The following GRK2 variants were observed in gnomAD, a reference collection of about 807,000 sequenced individuals.
GRK2 encodes the protein adrenergic beta receptor kinase 1.
Under a neutral mutation model 97.8 loss-of-function variants are expected in GRK2, and 23 were observed. That is an observed-to-expected ratio of 0.24 (90% CI 0.17 to 0.33). GRK2 has a LOEUF of 0.33. Among genes scored for constraint, GRK2 ranks in the 10% least tolerant of loss-of-function variants. The pLI is 1.00. For synonymous variants in GRK2, 425 were observed against 381.7 expected (o/e 1.11, Z -1.32); for missense variants, 633 against 956.9 (o/e 0.66, Z 4.47).
In GRK2 at chr11:67,284,995, G is replaced by A. The variant is rs10896164; in HGVS notation, c.1791+12G>A. 0.9 allele frequency: 1,449,110 copies of A among 1,612,232 alleles called. 667,488 individuals are homozygous for A. The highest frequency in any genetic ancestry group is 0.95 in the Non-Finnish European group (1,118,238 of 1,179,758). On this transcript the variant is annotated intron_variant, in intron 19 of 20. Transcript: ENST00000308595. ...AGGGCGAGGCCCCGGTAAGGAGCCC[G>A]TGCGGGGGTCCGGGAGCCGGGCTTC...
intron 1 of GRK2, among the ~76,000 whole-genome samples, chr11:67,274,528 T>TTG (rs1859986123): frequency 7.0e-6 from 1 of 142,342 alleles, no homozygotes; most frequent in Admixed American, 7.1e-5. Context: ...TTTTTGCTTT[T>TTG]TTTCATCCCC....
chr11:67,270,338 C>T (rs1486170771), intron 1 of GRK2, among the ~76,000 whole-genome samples: 1 of 152,176 alleles, frequency 6.6e-6, no homozygotes, highest in Non-Finnish European at 1.5e-5. Context: ...AGCAGATTGT[C>T]GGAGCTGGGT....
intron 1 of GRK2, among the ~76,000 whole-genome samples, chr11:67,274,054 C>G (rs1455960099): frequency 1.3e-5 from 2 of 149,976 alleles, no homozygotes; most frequent in Non-Finnish European, 3.0e-5. Flanking sequence ...ACTCTGTCAC[C>G]CAGGCTGGAG....
intron 1 of GRK2, among the ~76,000 whole-genome samples, chr11:67,274,027 T>G (rs1859968276): frequency 6.6e-6 from 1 of 150,550 alleles, no homozygotes; most frequent in Non-Finnish European, 1.5e-5. Context: ...TTTTTTTTTT[T>G]TTTGAGACAG....
At position 67,281,896 on chromosome 11, in the gene GRK2, A is replaced by G; in HGVS notation, c.901A>G (p.Ile301Val). The stretch of plus-strand genomic sequence containing the variant: ...TGACATGCGCTTCTATGCGGCCGAG[A>G]TCATCCTGGGCCTGGAGCACATGCA... Reference protein sequence around the residue: ...EADMRFYAAEIILGLEHMHNR... With the variant: ...EADMRFYAAEVILGLEHMHNR... Residue 301 changes from isoleucine to valine, a missense_variant, in exon 11 of 21, where the codon ATC becomes GTC. Ile to Val is a conservative substitution (Grantham distance 29). Around this residue, in one of 4 missense-constraint regions of GRK2, gnomAD observed 192 missense variants for 362.3 expected, o/e 0.53. Coordinates refer to ENST00000308595, the MANE Select transcript of GRK2 (RefSeq NM_001619.5). The surrounding 1 kb of genome is among the most constrained non-coding windows in gnomAD (Gnocchi z 5.7). 6.2e-7 allele frequency: 1 copy of G among 1,613,418 alleles called. No homozygotes were observed. Among genetic ancestry groups the G allele is most frequent in the African/African-American group, 1.3e-5 (1 of 74,948 alleles).
At position 67,266,668 on chromosome 11, in the gene GRK2, C is replaced by CGGCGGCGGGA. The variant is rs1169444790; in HGVS notation, c.-29_-20dup. 2 of 1,040,332 alleles carry CGGCGGCGGGA rather than the reference C, an allele frequency of 1.9e-6. No individual in the cohort carries two copies. Among genetic ancestry groups the CGGCGGCGGGA allele is most frequent in the East Asian group, 1.2e-4 (2 of 17,304 alleles). The allele number at this position is 1,040,332 out of a possible 1,614,324, so 64.4% of individuals were successfully genotyped here. On this transcript the variant is annotated 5_prime_UTR_variant, in exon 1 of 21. Transcript: ENST00000308595. Reference sequence around the variant, plus strand: ...CGAGCAGGAGCGGCGGCGGCGGCGGCGGCGGCGGGAGGAGGCAGCGCCGCC... The same window carrying CGGCGGCGGGA: ...CGAGCAGGAGCGGCGGCGGCGGCGGCGGCGGCGGGAGGCGGCGGGAGGAGGCAGCGCCGCC...
At chr11:67,275,391 C>CG (rs1860008642) in intron 1 of GRK2, among the ~76,000 whole-genome samples, 1 of 152,230 alleles carries the variant, frequency 6.6e-6, no homozygotes, top group African/African-American at 2.4e-5. Context: ...TCCAGACCCT[C>CG]GGGCCCAAAG....
At chr11:67,274,524 C>CTTTTTTTTTTTTTTTTTTTTTTTTTTTT (rs1590848179) in intron 1 of GRK2, among the ~76,000 whole-genome samples, 455 of 55,006 alleles carry the variant, frequency 8.3e-3, no homozygotes, top group Non-Finnish European at 0.01. Flanking sequence ...TTTTTTTTTG[C>CTTTTTTTTTTTTTTTTTTTTTTTTTTTT]TTTTTTTCAT....
chr11:67,268,610 C>T (rs1590844314), intron 1 of GRK2, among the ~76,000 whole-genome samples: 2 of 152,156 alleles, frequency 1.3e-5, no homozygotes, highest in Non-Finnish European at 2.9e-5. Flanking sequence ...GAACTGTCTG[C>T]GTTCGGGTAA....
intron 1 of GRK2, among the ~76,000 whole-genome samples, chr11:67,274,298 A>T (rs1859975982): frequency 6.6e-6 from 1 of 151,778 alleles, no homozygotes; most frequent in African/African-American, 2.4e-5. Flanking sequence ...GGCGTGAGCC[A>T]CCGCGTCCCG....
rs1277928742 is a variant in GRK2, at chr11:67,281,643, C to T, written c.748-7C>T. ...TGCCCGCCCCCTCCCCTCCTCTCCC[C>T]TCCTAGGACTGCCCATTCATTGTCT... On this transcript the variant is annotated splice_polypyrimidine_tract_variant and splice_region_variant and intron_variant, in intron 9 of 20. Transcript: ENST00000308595. The surrounding 1 kb of genome is among the most constrained non-coding windows in gnomAD (Gnocchi z 5.7). 6 of 1,611,990 alleles carry T rather than the reference C, an allele frequency of 3.7e-6. No individual in the cohort carries two copies. The highest frequency in any genetic ancestry group is 5.1e-6 in the Non-Finnish European group (6 of 1,178,814).
chr11:67,270,530 G>T lies in GRK2; in HGVS notation c.113+3718G>T, dbSNP rs77710504. Among the ~76,000 whole-genome samples, 66 of 152,314 alleles carry T rather than the reference G, an allele frequency of 4.3e-4. No homozygotes were observed. In the East Asian group the frequency reaches 0.012, roughly 28 times the overall value. On this transcript the variant is annotated intron_variant, in intron 1 of 20. Coordinates refer to ENST00000308595, the MANE Select transcript of GRK2 (RefSeq NM_001619.5). ...CTGCCCTCGATTTGTGGGGGAAGGG[G>T]TGCAGCGGGAAGCTCTCTCCCTCCC...
At chr11:67,267,311 C>T (rs1383047160) in intron 1 of GRK2, among the ~76,000 whole-genome samples, 1 of 152,224 alleles carries the variant, frequency 6.6e-6, no homozygotes, top group Non-Finnish European at 1.5e-5. Context: ...GTTTCCACTA[C>T]CCCCACCCGT....
chr11:67,274,209 C>T (rs888113364), intron 1 of GRK2, among the ~76,000 whole-genome samples: 11 of 152,064 alleles, frequency 7.2e-5, no homozygotes, highest in Non-Finnish European at 1.2e-4. Context: ...GACGGGGTTT[C>T]ACCATGTTGG....
chr11:67,280,817 G>C (rs571926031), intron 7 of GRK2, 34 bp downstream of exon 7: 1 of 1,609,772 alleles, frequency 6.2e-7, no homozygotes, highest in East Asian at 2.2e-5. Context: ...GGAAAGCCAC[G>C]CACCCTGCTG....
rs1310622815 is a variant in GRK2 at position 67,281,930 on chromosome 11, T to C, written c.935T>C (p.Phe312Ser). ...ILGLEHMHNRFVVYRDLKPAN... is the reference protein window; with the variant it reads ...ILGLEHMHNRSVVYRDLKPAN... ...GGCCTGGAGCACATGCACAACCGCT[T>C]CGTGGTCTACCGGGACCTGAAGGTG... is the stretch of plus-strand genomic sequence containing the variant. Residue 312 changes from phenylalanine (F) to serine (S), a missense_variant, in exon 11 of 21, where the codon TTC becomes TCC. This residue lies in a region of GRK2 where 192 missense variants were observed against 362.3 expected (regional missense o/e 0.53). Transcript: ENST00000308595. The surrounding 1 kb of genome is among the most constrained non-coding windows in gnomAD (Gnocchi z 5.7). 1 of 1,613,130 alleles carries C rather than the reference T, an allele frequency of 6.2e-7. No individual in the cohort carries two copies. The highest frequency in any genetic ancestry group is 1.7e-5 in the Admixed American group (1 of 60,014).
At chr11:67,268,483 G>A (rs558047736) in intron 1 of GRK2, among the ~76,000 whole-genome samples, 20 of 152,196 alleles carry the variant, frequency 1.3e-4, no homozygotes, top group African/African-American at 3.9e-4. Flanking sequence ...ACAAACCCAC[G>A]AGGGAGGAAA....
At chr11:67,279,810 A>G (rs1036869787) in intron 5 of GRK2, 29 bp from the exon 6 acceptor site, 6 of 1,613,734 alleles carry the variant, frequency 3.7e-6, no homozygotes, top group Non-Finnish European at 5.1e-6. Flanking sequence ...CTCGGGGCTC[A>G]GTCACCAACT....
intron 1 of GRK2, among the ~76,000 whole-genome samples, chr11:67,267,149 C>T (rs1265010828): frequency 6.6e-6 from 1 of 152,210 alleles, no homozygotes; most frequent in Admixed American, 6.5e-5. Context: ...TGGCTCCCGC[C>T]TTCTCCCACG....
Sources: gnomAD v4.1 joint callset for allele counts (sites outside exome capture counted in the v4.1 genomes callset) on GRCh38, gnomAD v4.1.1 for gene constraint, gnomAD v4.1.1 regional missense constraint, Gnocchi (gnomAD v3.1) non-coding constraint, MANE v1.5 for transcripts, NCBI Gene and HGNC (gene_info 2026-07-23, HGNC 2026-07-21) for gene names.